The following USH2A variants were observed in gnomAD, a reference collection of about 807,000 sequenced individuals.
The protein encoded by USH2A is usherin.
Under a neutral mutation model 538.9 loss-of-function variants are expected in USH2A, and 443 were observed. The observed-to-expected ratio is 0.82, with a 90% CI of 0.76 to 0.89. The LOEUF (loss-of-function observed/expected upper bound fraction) is 0.89. Ranked by LOEUF, USH2A falls within the 40% of genes least tolerant of loss-of-function variation. The pLI is 0.00. For missense variants in USH2A, 6,633 were observed against 6,324.8 expected, an observed-to-expected ratio of 1.05 and a Z score of -1.65; for synonymous variants, 2,413 against 2,273.5, an observed-to-expected ratio of 1.06 and a Z score of -1.75.
intron 43 of USH2A, among the ~76,000 whole-genome samples, chr1:215,867,480 G>C (rs1456558930): frequency 1.3e-5 from 2 of 152,196 alleles, no homozygotes; most frequent in Non-Finnish European, 1.5e-5. Context: ...TTCAGAAGTG[G>C]TGAGGATTAC....
intron 44 of USH2A, 57 bp from the exon 45 acceptor site, chr1:215,846,090 A>C (rs549295519): frequency 1.3e-6 from 2 of 1,537,598 alleles, no homozygotes; most frequent in Non-Finnish European, 9.0e-7. Context: ...AGGGGAAAAA[A>C]AAAATTCTAT....
intron 37 of USH2A, among the ~76,000 whole-genome samples, chr1:215,953,652 G>C (rs1461413146): frequency 3.9e-5 from 6 of 152,038 alleles, no homozygotes; most frequent in Non-Finnish European, 8.8e-5. Context: ...CATAGGCATG[G>C]GCAAGGACTT....
chr1:216,279,362 T>C (rs1174599055), intron 11 of USH2A, among the ~76,000 whole-genome samples: 1 of 152,126 alleles, frequency 6.6e-6, no homozygotes, highest in Non-Finnish European at 1.5e-5. Flanking sequence ...AAGATGGGAT[T>C]CAGAGGATGG....
chr1:215,943,954 C>T (rs1666698063), intron 37 of USH2A, among the ~76,000 whole-genome samples: 1 of 152,094 alleles, frequency 6.6e-6, no homozygotes, highest in South Asian at 2.1e-4. Context: ...TGTTTGTTAA[C>T]ATTGGTTATT....
At chr1:216,227,030 G>A (rs191909809) in intron 14 of USH2A, among the ~76,000 whole-genome samples, 25 of 152,220 alleles carry the variant, frequency 1.6e-4, no homozygotes, top group African/African-American at 5.8e-4. Flanking sequence ...CCTTCTCACT[G>A]GACTCAAGTG....
rs1248300701 is a variant in USH2A at position 216,222,401 on chromosome 1, C to G, written c.2994-4851G>C. Among the ~76,000 whole-genome samples, 3 of 152,176 alleles carry G rather than the reference C, an allele frequency of 2.0e-5. No homozygotes were observed. The East Asian group carries it at 5.8e-4, about 29-fold the overall frequency. ...CCCCCAGGCTATAGATTGCTGAACT[C>G]TGGTAGAGCAGGTCATATTATGCCC... On this transcript the variant is annotated intron_variant, in intron 14 of 71. Coordinates refer to ENST00000307340, the MANE Select transcript of USH2A (RefSeq NM_206933.4).
intron 48 of USH2A, among the ~76,000 whole-genome samples, chr1:215,815,406 ATTTTT>A: frequency 6.8e-6 from 1 of 146,444 alleles, no homozygotes; most frequent in Non-Finnish European, 1.5e-5. Flanking sequence ...GACCCGTATG[ATTTTT>A]TTTTTTTTGT....
intron 3 of USH2A, among the ~76,000 whole-genome samples, chr1:216,416,150 G>A (rs1030743389): frequency 6.6e-6 from 1 of 151,940 alleles, no homozygotes; most frequent in African/African-American, 2.4e-5. Context: ...TGGGCAACAA[G>A]GGAGAAACTC....
At chr1:216,303,452 A>T (rs2037252221) in intron 9 of USH2A, among the ~76,000 whole-genome samples, 1 of 151,934 alleles carries the variant, frequency 6.6e-6, no homozygotes, top group Non-Finnish European at 1.5e-5. Context: ...GGCGTTATTG[A>T]TGTTTTTTAA....
intron 47 of USH2A, among the ~76,000 whole-genome samples, chr1:215,820,353 T>G (rs1662977783): frequency 6.6e-6 from 1 of 151,506 alleles, no homozygotes; most frequent in South Asian, 2.1e-4. Context: ...GTCTCTAGGT[T>G]GAATTGTTTT....
intron 61 of USH2A, 119 bp downstream of exon 61, chr1:215,727,911 G>A: frequency 8.1e-7 from 1 of 1,235,662 alleles, no homozygotes; most frequent in East Asian, 2.4e-5. Flanking sequence ...TTTCACAAGT[G>A]AAAGATTTTC....
intron 40 of USH2A, among the ~76,000 whole-genome samples, chr1:215,894,033 A>G (rs2102464641): frequency 6.6e-6 from 1 of 152,298 alleles, no homozygotes; most frequent in Middle Eastern, 3.4e-3. Flanking sequence ...GAAGATTATA[A>G]ATGTTATTTT....
chr1:216,355,378 G>GAAAGAAAGAAAGAAAGAAA lies in USH2A; in HGVS notation c.784+9574_784+9575insTTTCTTTCTTTCTTTCTTT, dbSNP rs1191084342. On this transcript the variant is annotated intron_variant, in intron 4 of 71. Coordinates refer to ENST00000307340, the MANE Select transcript of USH2A (RefSeq NM_206933.4). Reference sequence around the variant, plus strand: ...AAGAAAGAAAGAAAGAAAGAAAGAAGGAAAGAAACATATAGTATACAAGAA... The same window carrying GAAAGAAAGAAAGAAAGAAA: ...AAGAAAGAAAGAAAGAAAGAAAGAAGAAAGAAAGAAAGAAAGAAAGAAAGAAACATATAGTATACAAGAA... 9.6e-3 allele frequency among the ~76,000 whole-genome samples: 1,089 copies of GAAAGAAAGAAAGAAAGAAA among 112,900 alleles called. 68 individuals are homozygous for GAAAGAAAGAAAGAAAGAAA. Among genetic ancestry groups the GAAAGAAAGAAAGAAAGAAA allele is most frequent in the African/African-American group, 0.02 (595 of 29,058 alleles). 74.1% of individuals were successfully genotyped at this position (112,900 alleles called of 152,430 possible).
At chr1:216,231,554 CT>C (rs3063234) in intron 14 of USH2A, among the ~76,000 whole-genome samples, 84,599 of 145,980 alleles carry the variant, frequency 0.58, 25,786 homozygotes, top group East Asian at 0.75. Flanking sequence ...CAAAAAAACA[CT>C]TTTTTTTTTT....
At chr1:216,008,815 TG>T (rs1453374749) in intron 32 of USH2A, among the ~76,000 whole-genome samples, 1 of 152,194 alleles carries the variant, frequency 6.6e-6, no homozygotes, top group African/African-American at 2.4e-5. Context: ...TTTCATTTTC[TG>T]GTAAAGACAA....
chr1:216,029,272 A>T (rs888112510), intron 32 of USH2A, among the ~76,000 whole-genome samples: 2 of 152,070 alleles, frequency 1.3e-5, no homozygotes, highest in African/African-American at 4.8e-5. Context: ...ACATACATAT[A>T]ACCAAACAAA....
At chr1:216,217,611 TAA>T in intron 14 of USH2A, 61 bp from the exon 15 acceptor site, 5 of 1,587,416 alleles carry the variant, frequency 3.1e-6, no homozygotes, top group Non-Finnish European at 4.3e-6. Flanking sequence ...ATTCATAGTA[TAA>T]GTTACACCTA....
At chr1:216,354,315 T>C (rs1445921040) in intron 4 of USH2A, among the ~76,000 whole-genome samples, 2 of 152,124 alleles carry the variant, frequency 1.3e-5, no homozygotes, top group African/African-American at 4.8e-5. Flanking sequence ...TTACGCAAAG[T>C]GTTTATCATA....
At chr1:216,351,033 T>C (rs1255051948) in intron 4 of USH2A, among the ~76,000 whole-genome samples, 1 of 152,010 alleles carries the variant, frequency 6.6e-6, no homozygotes, top group Non-Finnish European at 1.5e-5. Context: ...ACAGGCTTAA[T>C]GCTGCATGGA....
Sources: gnomAD v4.1 joint callset for allele counts (sites outside exome capture counted in the v4.1 genomes callset) on GRCh38, gnomAD v4.1.1 for gene constraint, MANE v1.5 for transcripts, NCBI Gene and HGNC (gene_info 2026-07-23, HGNC 2026-07-21) for gene names.